The following MYOM2 variants were observed in gnomAD, a reference collection of about 807,000 sequenced individuals.
The protein encoded by MYOM2 is myomesin-2.
Under a neutral mutation model 187.6 loss-of-function variants are expected in MYOM2, and 254 were observed. The observed-to-expected ratio is 1.35, with a 90% confidence interval of 1.22 to 1.50. The LOEUF is 1.50. Among genes scored for constraint, MYOM2 ranks in the 40% most tolerant of loss-of-function variants. The probability of loss-of-function intolerance (pLI) is 0.00; values close to 1 mark genes in which losing one functional copy is unlikely to be tolerated. For missense variants in MYOM2, 2,796 were observed against 1,924.0 expected (o/e 1.45, Z -8.48); for synonymous variants, 981 against 753.8 (o/e 1.30, Z -4.94).
At chr8:2,141,057 C>G (rs1464118034) in intron 33 of MYOM2, 84 bp from the exon 34 acceptor site, 2 of 1,395,450 alleles carry the variant, frequency 1.4e-6, no homozygotes, top group Admixed American at 2.2e-5. Flanking sequence ...TTTCATGAAC[C>G]AGATTCACTG....
At chr8:2,070,429 A>C (rs745440602) in intron 8 of MYOM2, among the ~76,000 whole-genome samples, 5 of 151,996 alleles carry the variant, frequency 3.3e-5, no homozygotes, top group Non-Finnish European at 7.4e-5. Context: ...TACATCCAAC[A>C]CTCGGTGAGC....
In MYOM2 at chr8:2,109,394, G is replaced by C; in HGVS notation, c.3044-1G>C. 1 of 1,601,280 alleles carries C rather than the reference G, an allele frequency of 6.2e-7. No homozygotes were observed. Among genetic ancestry groups the C allele is most frequent in the Non-Finnish European group, 8.5e-7 (1 of 1,174,618 alleles). On this transcript the variant is annotated splice_acceptor_variant, in intron 24 of 36. Coordinates refer to ENST00000262113, the MANE Select transcript of MYOM2 (RefSeq NM_003970.4). LOFTEE classifies it high-confidence loss of function. Reference sequence around the variant, plus strand: ...ACTTGCGATTTCTTTTCTTCCTGTAGCAATTCCTCTGAAATCGGAATTAGC... The same window carrying C: ...ACTTGCGATTTCTTTTCTTCCTGTACCAATTCCTCTGAAATCGGAATTAGC...
intron 6 of MYOM2, among the ~76,000 whole-genome samples, chr8:2,063,717 C>T (rs956204734): frequency 1.2e-4 from 19 of 152,200 alleles, no homozygotes; most frequent in African/African-American, 4.6e-4. Context: ...GAGGCCCCAG[C>T]TGCCCATGAG....
At chr8:2,122,095 TGAA>T (rs1400697044) in intron 28 of MYOM2, among the ~76,000 whole-genome samples, 2 of 152,238 alleles carry the variant, frequency 1.3e-5, no homozygotes, top group East Asian at 3.8e-4. Context: ...AAAATTTTTT[TGAA>T]GAAGAGATGA....
intron 13 of MYOM2, among the ~76,000 whole-genome samples, chr8:2,083,051 A>G (rs1819683490): frequency 6.6e-6 from 1 of 152,208 alleles, no homozygotes; most frequent in Non-Finnish European, 1.5e-5. Context: ...AGTGGAGGAA[A>G]CCAATAGTAT....
In MYOM2 at chr8:2,046,622, C is replaced by T. The variant is rs181757737; in HGVS notation, c.-13+1454C>T. On this transcript the variant is annotated intron_variant, in intron 1 of 36. Coordinates refer to ENST00000262113, the MANE Select transcript of MYOM2 (RefSeq NM_003970.4). ...TGTTTTACAGCAGAGCAGGTGGAGG[C>T]CCCTGAGCTGAAGGTCAGCAGGTCC... Among the ~76,000 whole-genome samples, 87 of 152,312 alleles carry T rather than the reference C, an allele frequency of 5.7e-4. No individual in the cohort carries two copies. The East Asian group carries it at 8.5e-3, about 15-fold the overall frequency.
Position 2,087,496 on chromosome 8 carries a change from C to T in MYOM2, c.1644+2106C>T, listed in dbSNP as rs374972870. On this transcript the variant is annotated intron_variant, in intron 14 of 36. Coordinates refer to ENST00000262113, the MANE Select transcript of MYOM2 (RefSeq NM_003970.4). ...TGACAAAATATAGTTATTTGTGTTACGAAAATACAAGTGGTCAGTCCCTCT... is the reference window on the plus strand; with the variant it reads ...TGACAAAATATAGTTATTTGTGTTATGAAAATACAAGTGGTCAGTCCCTCT... Among the ~76,000 whole-genome samples, 10 of 152,252 alleles carry T rather than the reference C, an allele frequency of 6.6e-5. No homozygotes were observed. The South Asian group carries it at 8.3e-4, about 13-fold the overall frequency.
At chr8:2,132,681 G>A (rs1455581693) in intron 32 of MYOM2, among the ~76,000 whole-genome samples, 1 of 151,988 alleles carries the variant, frequency 6.6e-6, no homozygotes, top group Admixed American at 6.6e-5. Flanking sequence ...TGATCTCCTG[G>A]GATCAAGGAA....
chr8:2,059,083 C>A, intron 5 of MYOM2, 70 bp from the exon 6 acceptor site: 1 of 1,332,798 alleles, frequency 7.5e-7, no homozygotes. Context: ...CGCGGGGGAG[C>A]TGGGGCAGAA....
At chr8:2,085,434 GC>G (rs753221264) in intron 14 of MYOM2, 44 bp downstream of exon 14, 63 of 1,601,740 alleles carry the variant, frequency 3.9e-5, no homozygotes, top group Middle Eastern at 1.7e-4. Context: ...TCTCTGCATG[GC>G]CCCCCACTGT....
rs535261288 is a variant in MYOM2, at chr8:2,116,205, A to T, written c.3326-11A>T. On this transcript the variant is annotated splice_polypyrimidine_tract_variant and intron_variant, in intron 26 of 36. Coordinates refer to ENST00000262113, the MANE Select transcript of MYOM2 (RefSeq NM_003970.4). ...ATGTTTCATATATATTTTTTTAAAT[A>T]TTGAATTTAGCATTCAAGACTGTGC... 1.3e-6 allele frequency: 2 copies of T among 1,597,944 alleles called. No individual in the cohort carries two copies. Among genetic ancestry groups the T allele is most frequent in the Non-Finnish European group, 1.7e-6 (2 of 1,173,910 alleles).
In MYOM2 at chr8:2,144,955, G is replaced by A. The variant is rs750413565; in HGVS notation, c.4372G>A (p.Ala1458Thr). 35 of 1,613,912 alleles carry A rather than the reference G, an allele frequency of 2.2e-5. No homozygotes were observed. Among genetic ancestry groups the A allele is most frequent in the African/African-American group, 1.5e-4 (11 of 74,902 alleles). Reference protein sequence around the residue: ...PQQAKPKLIPASASAAGQ With the variant: ...PQQAKPKLIPTSASAAGQ The stretch of plus-strand genomic sequence containing the variant: ...GCAAGCCAAGCCCAAGCTCATCCCC[G>A]CGTCTGCCTCAGCGGCAGGCCAGTG... Residue 1458 changes from alanine (A) to threonine (T), a missense_variant, in exon 37 of 37, where the codon GCG becomes ACG. By Grantham distance (58) the Ala-to-Thr change is moderately conservative (BLOSUM62 0). Coordinates refer to ENST00000262113, the MANE Select transcript of MYOM2 (RefSeq NM_003970.4).
rs1028837977 is a variant in MYOM2, at chr8:2,101,070, C to G, written c.2619+16C>G. The G allele has an allele frequency of 1.9e-6, 3 of 1,612,542 alleles. No homozygotes were observed. In the Admixed American group the frequency reaches 5.0e-5, roughly 27 times the overall value. Reference sequence around the variant, plus strand: ...TTATTTAAAGGTAAGTCTTGGCCGGCTGTGGTGGCTCATGCCTGTAATCCC... The same window carrying G: ...TTATTTAAAGGTAAGTCTTGGCCGGGTGTGGTGGCTCATGCCTGTAATCCC... On this transcript the variant is annotated intron_variant, in intron 20 of 36. Coordinates refer to ENST00000262113, the MANE Select transcript of MYOM2 (RefSeq NM_003970.4).
intron 9 of MYOM2, 135 bp downstream of exon 9, chr8:2,072,644 C>T (rs899373084): frequency 1.6e-5 from 18 of 1,106,170 alleles, no homozygotes; most frequent in Non-Finnish European, 2.2e-5. Flanking sequence ...AACTGAGGGA[C>T]TGTAGAGGAC....
Position 2,123,267 on chromosome 8 carries a change from A to G in MYOM2, c.3469A>G (p.Lys1157Glu), listed in dbSNP as rs1488496077. 6.2e-7 allele frequency: 1 copy of G among 1,612,882 alleles called. No individual in the cohort carries two copies. The highest frequency in any genetic ancestry group is 8.5e-7 in the Non-Finnish European group (1 of 1,179,674). Residue 1157 changes from lysine (K) to glutamate (E), a missense_variant, in exon 29 of 37, where the codon AAA becomes GAA. Coordinates refer to ENST00000262113, the MANE Select transcript of MYOM2 (RefSeq NM_003970.4). ...TACCTCACAGGTTGCAAACACCAAG[A>G]AAGAAACCGTTTTCAAATGGCTCAA... ...RLVCKVANTK[K>E]ETVFKWLKDD...
intron 5 of MYOM2, 144 bp downstream of exon 5, chr8:2,057,924 C>A: frequency 2.6e-6 from 2 of 781,574 alleles, no homozygotes; most frequent in Non-Finnish European, 3.8e-6. Context: ...TTTATAGAAG[C>A]TCTGAACGTT....
At chr8:2,084,221 C>A (rs75529315) in intron 13 of MYOM2, among the ~76,000 whole-genome samples, 184 of 152,350 alleles carry the variant, frequency 1.2e-3, no homozygotes, top group African/African-American at 4.1e-3. Flanking sequence ...TTACCCTCTG[C>A]ATTTTCCGGA....
At chr8:2,122,751 G>C (rs1797500044) in intron 28 of MYOM2, among the ~76,000 whole-genome samples, 2 of 152,194 alleles carry the variant, frequency 1.3e-5, no homozygotes, top group African/African-American at 4.8e-5. Flanking sequence ...CGATTGAATT[G>C]TGAGGAATTT....
intron 18 of MYOM2, 54 bp downstream of exon 18, chr8:2,096,488 T>G (rs1315561639): frequency 1.9e-6 from 3 of 1,553,496 alleles, no homozygotes; most frequent in Non-Finnish European, 1.8e-6. Flanking sequence ...TCTTTACATT[T>G]TTGGCAATGT....
Sources: allele counts gnomAD v4.1 joint callset (sites outside exome capture counted in the v4.1 genomes callset), GRCh38; gene constraint gnomAD v4.1.1; transcripts MANE v1.5; gene names NCBI Gene and HGNC (gene_info 2026-07-23, HGNC 2026-07-21).